HACD4: variants seen among roughly 807,000 people sequenced by gnomAD.
HACD4 encodes the protein 3-hydroxyacyl-CoA dehydratase 4.
HACD4 carries 35 observed loss-of-function variants against 33.3 expected under a neutral mutation model. The ratio of observed to expected loss-of-function variants is 1.05; its 90% CI spans 0.80 to 1.39. HACD4 has a LOEUF of 1.39. Among genes scored for constraint, HACD4 ranks in the 40% most tolerant of loss-of-function variants. The pLI is 0.00. For missense variants in HACD4, 323 were observed against 276.5 expected, an observed-to-expected ratio of 1.17 and a Z score of -1.19; for synonymous variants, 118 against 98.0, an observed-to-expected ratio of 1.20 and a Z score of -1.21.
At chr9:21,010,561 G>A (rs1215824642) in intron 5 of HACD4, among the ~76,000 whole-genome samples, 1 of 149,288 alleles carries the variant, frequency 6.7e-6, no homozygotes, top group Non-Finnish European at 1.5e-5. Context: ...TAAGACAGCA[G>A]TCCCCAACCT....
At chr9:21,009,580 T>G (rs1293649769) in intron 5 of HACD4, among the ~76,000 whole-genome samples, 1 of 152,178 alleles carries the variant, frequency 6.6e-6, no homozygotes, top group Non-Finnish European at 1.5e-5. Flanking sequence ...TGTATACATA[T>G]ATGAAGCACA....
chr9:21,029,228 T>C, intron 2 of HACD4, 67 bp downstream of exon 2: 4 of 890,724 alleles, frequency 4.5e-6, no homozygotes, highest in Non-Finnish European at 7.2e-6. Flanking sequence ...AGAAATTTAA[T>C]ATAAGCAGGA....
At chr9:21,028,438 T>C (rs1166391845) in intron 2 of HACD4, among the ~76,000 whole-genome samples, 5 of 152,170 alleles carry the variant, frequency 3.3e-5, no homozygotes, top group Non-Finnish European at 5.9e-5. Flanking sequence ...TGGAGGTCCT[T>C]AACAAAGGCG....
Position 21,003,576 on chromosome 9 carries a change from A to G in HACD4, c.*3461T>C, listed in dbSNP as rs775964592. 2.6e-5 allele frequency: 4 copies of G among 152,162 alleles called. No individual in the cohort carries two copies. The highest frequency in any genetic ancestry group is 4.8e-5 in the African/African-American group (2 of 41,462). The allele number at this position is 152,162 out of a possible 1,614,324, so 9.4% of individuals were successfully genotyped here. On this transcript the variant is annotated 3_prime_UTR_variant, in exon 7 of 7. Transcript: ENST00000495827. Reference sequence around the variant, plus strand: ...AAGATTTCAAGTAGCCTAATACTCAATTGTTTCTTTCCAAATGTTTTCTTT... The same window carrying G: ...AAGATTTCAAGTAGCCTAATACTCAGTTGTTTCTTTCCAAATGTTTTCTTT...
chr9:20,999,603 G>C lies in HACD4; in HGVS notation c.*7434C>G, dbSNP rs1243519391. The stretch of plus-strand genomic sequence containing the variant: ...GCATGTTAAGATACTTATATAAGTT[G>C]AAAGAAAAAAACAAAACTTATGTGT... On this transcript the variant is annotated 3_prime_UTR_variant, in exon 7 of 7. Transcript: ENST00000495827. The C allele has an allele frequency of 5.7e-5, 6 of 105,348 alleles. No individual in the cohort carries two copies. Among genetic ancestry groups the C allele is most frequent in the African/African-American group, 2.3e-4 (6 of 26,282 alleles). 6.5% of individuals were successfully genotyped at this position (105,348 alleles called of 1,614,324 possible).
chr9:21,026,498 G>T, intron 3 of HACD4, 98 bp downstream of exon 3: 1 of 944,216 alleles, frequency 1.1e-6, no homozygotes, highest in Non-Finnish European at 1.6e-6. Flanking sequence ...CCTAAGACAA[G>T]GGTTGGCTTT....
chr9:21,010,307 T>G (rs1842381363), intron 5 of HACD4, among the ~76,000 whole-genome samples: 1 of 152,182 alleles, frequency 6.6e-6, no homozygotes, highest in South Asian at 2.1e-4. Flanking sequence ...ACTGATGATC[T>G]GAATGATTTG....
At chr9:21,028,304 C>T (rs1326668054) in intron 2 of HACD4, among the ~76,000 whole-genome samples, 1 of 152,098 alleles carries the variant, frequency 6.6e-6, no homozygotes. Context: ...CAGCAAACCT[C>T]AAAGGGCTAG....
intron 3 of HACD4, among the ~76,000 whole-genome samples, chr9:21,020,734 T>C (rs1397562916): frequency 1.3e-5 from 2 of 152,230 alleles, no homozygotes. Flanking sequence ...TATCAAAGTT[T>C]ACTATATTTT....
chr9:21,011,387 T>C (rs750863356), intron 5 of HACD4, among the ~76,000 whole-genome samples: 1 of 152,240 alleles, frequency 6.6e-6, no homozygotes, highest in Non-Finnish European at 1.5e-5. Flanking sequence ...CGTTGCTTTT[T>C]GTCCAGTATT....
rs968728019 is a variant in HACD4, at chr9:21,003,773, T to A, written c.*3264A>T. 6.6e-6 allele frequency: 1 copy of A among 152,212 alleles called. No homozygotes were observed. The highest frequency in any genetic ancestry group is 2.4e-5 in the African/African-American group (1 of 41,472). 9.4% of individuals were successfully genotyped at this position (152,212 alleles called of 1,614,324 possible). On this transcript the variant is annotated 3_prime_UTR_variant, in exon 7 of 7. Coordinates refer to ENST00000495827, the MANE Select transcript of HACD4 (RefSeq NM_001010915.5). Reference sequence around the variant, plus strand: ...AATGACTATCAGTTATTCACACTTTTTTTAGATTTTCAAAGAAAGCATTTT... The same window carrying A: ...AATGACTATCAGTTATTCACACTTTATTTAGATTTTCAAAGAAAGCATTTT...
At position 21,002,409 on chromosome 9, in the gene HACD4, A is replaced by T. The variant is rs1199350594; in HGVS notation, c.*4628T>A. The T allele has an allele frequency of 6.6e-6, 1 of 152,130 alleles. No homozygotes were observed. The highest frequency in any genetic ancestry group is 1.5e-5 in the Non-Finnish European group (1 of 67,966). The allele number at this position is 152,130 out of a possible 1,614,324, so 9.4% of individuals were successfully genotyped here. On this transcript the variant is annotated 3_prime_UTR_variant, in exon 7 of 7. Coordinates refer to ENST00000495827, the MANE Select transcript of HACD4 (RefSeq NM_001010915.5). The stretch of plus-strand genomic sequence containing the variant: ...AAAGGAAGAAAATTCTGACATATAC[A>T]AAATGGAGGAAACTTGCAGACATTA...
intron 3 of HACD4, among the ~76,000 whole-genome samples, chr9:21,023,883 T>G (rs1260581270): frequency 1.3e-5 from 2 of 152,168 alleles, no homozygotes; most frequent in African/African-American, 2.4e-5. Flanking sequence ...CCCACTTAAC[T>G]ATCTCTTGAA....
chr9:21,029,614 T>G (rs1478610633), intron 1 of HACD4, among the ~76,000 whole-genome samples: 1 of 152,246 alleles, frequency 6.6e-6, no homozygotes, highest in Non-Finnish European at 1.5e-5. Context: ...TCTTCACTTA[T>G]GATGAAGTTA....
At chr9:21,017,374 C>T (rs1299104559) in intron 3 of HACD4, among the ~76,000 whole-genome samples, 1 of 152,092 alleles carries the variant, frequency 6.6e-6, no homozygotes, top group African/African-American at 2.4e-5. Context: ...TTAGTCAAAC[C>T]ATGGAAGCTA....
In HACD4 at chr9:21,006,846, A is replaced by G. The variant is rs562802646; in HGVS notation, c.*191T>C. 2 of 584,674 alleles carry G rather than the reference A, an allele frequency of 3.4e-6. No individual in the cohort carries two copies. The highest frequency in any genetic ancestry group is 6.1e-6 in the Non-Finnish European group (2 of 326,178). The allele number at this position is 584,674 out of a possible 1,614,324, so 36.2% of individuals were successfully genotyped here. A position where few individuals can be genotyped will look rare whatever the true frequency, so the allele number is the denominator to read the frequency against. On this transcript the variant is annotated 3_prime_UTR_variant, in exon 7 of 7. Coordinates refer to ENST00000495827, the MANE Select transcript of HACD4 (RefSeq NM_001010915.5). The surrounding 1 kb of genome is among the most constrained non-coding windows in gnomAD (Gnocchi z 4.6). ...GTGAAGCAGGGTATGGAGAATATAT[A>G]TGTCTTAAAAATACAATGTGTGAAA...
At chr9:21,027,459 T>C (rs1417338514) in intron 2 of HACD4, among the ~76,000 whole-genome samples, 1 of 152,258 alleles carries the variant, frequency 6.6e-6, no homozygotes, top group Non-Finnish European at 1.5e-5. Context: ...CTCTCTTTAC[T>C]GCCCAGTGAT....
chr9:21,026,257 G>T, intron 3 of HACD4, among the ~76,000 whole-genome samples: 1 of 152,178 alleles, frequency 6.6e-6, no homozygotes, highest in East Asian at 1.9e-4. Flanking sequence ...AGAAAAGCCA[G>T]GCTTCAAGCC....
At chr9:21,028,398 A>T (rs555172364) in intron 2 of HACD4, among the ~76,000 whole-genome samples, 1 of 152,330 alleles carries the variant, frequency 6.6e-6, no homozygotes, top group East Asian at 1.9e-4. Context: ...CAACATTTGT[A>T]GTTGAAACTC....
Sources: allele counts gnomAD v4.1 joint callset (sites outside exome capture counted in the v4.1 genomes callset), GRCh38; gene constraint gnomAD v4.1.1; non-coding constraint Gnocchi (gnomAD v3.1); transcripts MANE v1.5; gene names NCBI Gene and HGNC (gene_info 2026-07-23, HGNC 2026-07-21).